Variants in SUCLG2 observed in about 807,000 individuals in gnomAD.
SUCLG2 encodes the protein succinate-CoA ligase GDP-forming subunit beta.
A neutral mutation model predicts 47.9 loss-of-function variants in SUCLG2; 42 were observed. The ratio of observed to expected loss-of-function variants is 0.88; its 90% CI spans 0.69 to 1.14. The LOEUF (loss-of-function observed/expected upper bound fraction) is 1.14. Among genes scored for constraint, SUCLG2 ranks in the 50% most tolerant of loss-of-function variants. The pLI is 0.00. For missense variants in SUCLG2, 571 were observed against 525.9 expected, an observed-to-expected ratio of 1.09 and a Z score of -0.84; for synonymous variants, 195 against 197.3, an observed-to-expected ratio of 0.99 and a Z score of 0.10.
chr3:67,459,378 A>G (rs1294824216), intron 9 of SUCLG2, among the ~76,000 whole-genome samples: 1 of 152,224 alleles, frequency 6.6e-6, no homozygotes. Flanking sequence ...GGCAGGCAGC[A>G]AATCTACTTC....
At chr3:67,452,425 T>C (rs1285884926) in intron 9 of SUCLG2, among the ~76,000 whole-genome samples, 1 of 152,220 alleles carries the variant, frequency 6.6e-6, no homozygotes, top group Admixed American at 6.5e-5. Flanking sequence ...AATTAGTGCA[T>C]TGATTTTATG....
intron 5 of SUCLG2, among the ~76,000 whole-genome samples, chr3:67,520,045 A>C (rs1706051664): frequency 6.6e-6 from 1 of 152,230 alleles, no homozygotes; most frequent in Admixed American, 6.5e-5. Flanking sequence ...CATCAAGAGT[A>C]CTGAGAGAAC....
At chr3:67,399,961 ACTTGAAGC>A (rs1204947753) in intron 10 of SUCLG2, among the ~76,000 whole-genome samples, 1 of 152,140 alleles carries the variant, frequency 6.6e-6, no homozygotes, top group Non-Finnish European at 1.5e-5. Context: ...CAGGAGGATC[ACTTGAAGC>A]CAGGAGTTCA....
chr3:67,429,358 A>G (rs1003684949), intron 9 of SUCLG2, among the ~76,000 whole-genome samples: 4 of 152,222 alleles, frequency 2.6e-5, no homozygotes, highest in Admixed American at 6.5e-5. Flanking sequence ...ACTAAGCTTC[A>G]TAAGTGAAAG....
chr3:67,395,896 C>T (rs1702513559), intron 10 of SUCLG2, among the ~76,000 whole-genome samples: 1 of 152,146 alleles, frequency 6.6e-6, no homozygotes, highest in South Asian at 2.1e-4. Flanking sequence ...TACATGGAAA[C>T]TGAACAACCT....
intron 9 of SUCLG2, among the ~76,000 whole-genome samples, chr3:67,451,979 T>C (rs899753256): frequency 7.2e-5 from 11 of 152,200 alleles, no homozygotes; most frequent in African/African-American, 2.7e-4. Context: ...TGTGAGCATC[T>C]GCATTAGAAG....
At chr3:67,527,291 A>T (rs992643232) in intron 4 of SUCLG2, among the ~76,000 whole-genome samples, 20 of 152,354 alleles carry the variant, frequency 1.3e-4, no homozygotes, top group African/African-American at 4.6e-4. Flanking sequence ...CAGGACCCTA[A>T]TTCGCTGTTA....
chr3:67,403,930 G>T (rs1006978888), intron 9 of SUCLG2, among the ~76,000 whole-genome samples: 2 of 152,114 alleles, frequency 1.3e-5, no homozygotes, highest in African/African-American at 4.8e-5. Context: ...GTTTCACCCA[G>T]GCTGGAGTGC....
At chr3:67,514,243 G>T in intron 6 of SUCLG2, 1 of 411,780 alleles carries the variant, frequency 2.4e-6, no homozygotes, top group South Asian at 2.2e-5. Flanking sequence ...CTGGTATGAT[G>T]TATTCAAAAC....
At chr3:67,412,599 C>A (rs540703166) in intron 9 of SUCLG2, among the ~76,000 whole-genome samples, 1 of 152,004 alleles carries the variant, frequency 6.6e-6, no homozygotes, top group Non-Finnish European at 1.5e-5. Context: ...TTTATTCCCC[C>A]GTCCCTCCCA....
In SUCLG2 at chr3:67,470,975, T is replaced by G. The variant is rs1294769676; in HGVS notation, c.1062+24823A>C. Among the ~76,000 whole-genome samples the G allele has an allele frequency of 2.0e-5, 3 of 152,122 alleles. No individual in the cohort carries two copies. In the East Asian group the frequency reaches 5.8e-4, roughly 29 times the overall value. ...ATACCCCGTTCTTCTGTTATGCCTG[T>G]TAACTGGGAGGGTGATGGGTTACGC... On this transcript the variant is annotated intron_variant, in intron 9 of 10. Coordinates refer to ENST00000307227, the MANE Select transcript of SUCLG2 (RefSeq NM_003848.4).
At chr3:67,516,247 C>A (rs1241930930) in intron 6 of SUCLG2, among the ~76,000 whole-genome samples, 1 of 152,172 alleles carries the variant, frequency 6.6e-6, no homozygotes, top group Admixed American at 6.5e-5. Context: ...CAAAGGTATA[C>A]TGACAATATG....
chr3:67,612,607 C>T (rs976440598), intron 1 of SUCLG2, among the ~76,000 whole-genome samples: 2 of 152,130 alleles, frequency 1.3e-5, no homozygotes, highest in Non-Finnish European at 2.9e-5. Flanking sequence ...CAGGAAATGT[C>T]AAGAATTATT....
intron 9 of SUCLG2, among the ~76,000 whole-genome samples, chr3:67,436,792 A>G (rs1244813003): frequency 6.6e-6 from 1 of 152,216 alleles, no homozygotes; most frequent in Non-Finnish European, 1.5e-5. Context: ...TCTTGAATAC[A>G]AATTATACAT....
At chr3:67,542,544 TAA>T (rs1706747306) in intron 2 of SUCLG2, among the ~76,000 whole-genome samples, 2 of 152,074 alleles carry the variant, frequency 1.3e-5, no homozygotes, top group African/African-American at 2.4e-5. Flanking sequence ...GCACACTGGA[TAA>T]AGAGTCAAGA....
Position 67,519,026 on chromosome 3 carries a change from C to T in SUCLG2, c.571-690G>A, listed in dbSNP as rs148211712. Among the ~76,000 whole-genome samples, 728 of 151,852 alleles carry T rather than the reference C, an allele frequency of 4.8e-3. 4 individuals are homozygous for T. Among genetic ancestry groups the T allele is most frequent in the African/African-American group, 0.017 (703 of 41,382 alleles). On this transcript the variant is annotated intron_variant, in intron 5 of 10. Transcript: ENST00000307227. ...ATGAGTACAGCAGGTCTTCAAATAA[C>T]GTTACTTCATTCAAGGTCGTTTTGT...
At chr3:67,543,046 C>A (rs1706760233) in intron 2 of SUCLG2, among the ~76,000 whole-genome samples, 1 of 152,154 alleles carries the variant, frequency 6.6e-6, no homozygotes, top group Non-Finnish European at 1.5e-5. Context: ...GTACTTATTC[C>A]AAAACTGACC....
chr3:67,642,984 C>G (rs933957843), intron 1 of SUCLG2, among the ~76,000 whole-genome samples: 4 of 151,412 alleles, frequency 2.6e-5, no homozygotes, highest in Admixed American at 1.3e-4. Flanking sequence ...GGAATGGCAT[C>G]CTGGTTCCTG....
chr3:67,377,424 C>G (rs1037659088), intron 10 of SUCLG2, among the ~76,000 whole-genome samples: 5 of 152,216 alleles, frequency 3.3e-5, no homozygotes, highest in Non-Finnish European at 7.3e-5. Flanking sequence ...TGCTCCTCTT[C>G]TGCAGTAGAG....
Sources: allele counts gnomAD v4.1 joint callset (sites outside exome capture counted in the v4.1 genomes callset), GRCh38; gene constraint gnomAD v4.1.1; transcripts MANE v1.5; gene names NCBI Gene and HGNC (gene_info 2026-07-23, HGNC 2026-07-21).